RPS6KC1: variants seen among roughly 807,000 people sequenced by gnomAD.
RPS6KC1 encodes the protein ribosomal protein S6 kinase C1, also known as inactive ribosomal protein S6 kinase delta-1.
Under a neutral mutation model 103.8 loss-of-function variants are expected in RPS6KC1, and 54 were observed. That is an observed-to-expected ratio of 0.52 (90% confidence interval 0.42 to 0.65). The LOEUF is 0.65. RPS6KC1 is among the 30% of genes least tolerant of loss of function. The probability of loss-of-function intolerance (pLI) is 0.00; values close to 1 mark genes in which losing one functional copy is unlikely to be tolerated. For synonymous variants in RPS6KC1, 439 were observed against 438.7 expected (o/e 1.00, Z -0.01); for missense variants, 1,151 against 1,253.8 (o/e 0.92, Z 1.24).
At chr1:213,656,694 C>T in the RPS6KC1 span, among the ~76,000 whole-genome samples, 1 of 152,206 alleles carries the variant, frequency 6.6e-6, no homozygotes, top group Non-Finnish European at 1.5e-5. Context: ...CATTCTTATG[C>T]ACTCCACTTC....
chr1:213,302,013 G>C, the RPS6KC1 span, among the ~76,000 whole-genome samples: 3 of 152,108 alleles, frequency 2.0e-5, no homozygotes, highest in Non-Finnish European at 4.4e-5. Context: ...TGGGATTACA[G>C]GCATGAGCCA....
chr1:213,175,284 C>T (rs1292818803), intron 7 of RPS6KC1, among the ~76,000 whole-genome samples: 2 of 152,206 alleles, frequency 1.3e-5, no homozygotes, highest in African/African-American at 4.8e-5. Flanking sequence ...TCTCAAGGAG[C>T]TGCCTGTCTG....
At chr1:213,179,424 A>AG (rs1338669476) in intron 8 of RPS6KC1, among the ~76,000 whole-genome samples, 2 of 151,234 alleles carry the variant, frequency 1.3e-5, no homozygotes, top group Admixed American at 6.6e-5. Context: ...CAAAAAAAAG[A>AG]GGAAAAAAAA....
the RPS6KC1 span, among the ~76,000 whole-genome samples, chr1:213,468,707 G>A: frequency 6.6e-6 from 1 of 152,132 alleles, no homozygotes; most frequent in Non-Finnish European, 1.5e-5. Flanking sequence ...AGACATTCTG[G>A]TTGTTATAGT....
At chr1:213,442,346 G>T in the RPS6KC1 span, among the ~76,000 whole-genome samples, 1 of 152,182 alleles carries the variant, frequency 6.6e-6, no homozygotes, top group East Asian at 1.9e-4. Flanking sequence ...CACTCAGTAG[G>T]TGTTCAACAG....
the RPS6KC1 span, among the ~76,000 whole-genome samples, chr1:213,574,727 A>T: frequency 2.6e-5 from 4 of 152,138 alleles, no homozygotes; most frequent in African/African-American, 7.2e-5. Context: ...GATTGTAGGG[A>T]TGTGGTAACA....
the RPS6KC1 span, among the ~76,000 whole-genome samples, chr1:213,572,115 G>A: frequency 6.6e-6 from 1 of 152,208 alleles, no homozygotes; most frequent in East Asian, 1.9e-4. Context: ...ATGGAGCTAG[G>A]CTGTGGAGTC....
intron 5 of RPS6KC1, among the ~76,000 whole-genome samples, chr1:213,126,561 G>A (rs575621856): frequency 3.9e-5 from 6 of 152,210 alleles, no homozygotes; most frequent in Non-Finnish European, 8.8e-5. Context: ...ATATGAAGTA[G>A]GCAATTTGAA....
At chr1:213,706,729 TG>T in the RPS6KC1 span, among the ~76,000 whole-genome samples, 2 of 152,006 alleles carry the variant, frequency 1.3e-5, no homozygotes, top group African/African-American at 4.8e-5. Flanking sequence ...CCCCAGTGTG[TG>T]TTGTTTCCTT....
chr1:213,447,391 C>T, the RPS6KC1 span, among the ~76,000 whole-genome samples: 1 of 152,054 alleles, frequency 6.6e-6, no homozygotes, highest in East Asian at 1.9e-4. Flanking sequence ...GCCTATAATG[C>T]CAGTTTCATA....
chr1:213,546,680 A>G, the RPS6KC1 span, among the ~76,000 whole-genome samples: 2 of 152,170 alleles, frequency 1.3e-5, no homozygotes, highest in African/African-American at 4.8e-5. Context: ...TAATAGGCCT[A>G]ATTTTTAGAA....
the RPS6KC1 span, among the ~76,000 whole-genome samples, chr1:213,796,979 C>T: frequency 1.3e-5 from 2 of 152,108 alleles, no homozygotes; most frequent in Non-Finnish European, 2.9e-5. Flanking sequence ...GATCAATAAA[C>T]GCATGTCCAA....
the RPS6KC1 span, among the ~76,000 whole-genome samples, chr1:213,682,736 T>C: frequency 6.6e-6 from 1 of 152,262 alleles, no homozygotes; most frequent in South Asian, 2.1e-4. Flanking sequence ...GCAACAACAA[T>C]ATATGGTAAT....
At position 213,107,738 on chromosome 1, in the gene RPS6KC1, C is replaced by T. The variant is rs541835777; in HGVS notation, c.378+3169C>T. ...AGAAACTGCCAAACTGTTTTCCAAACGGAAAATAGCCAGTAATGTTTGAAC... is the reference window on the plus strand; with the variant it reads ...AGAAACTGCCAAACTGTTTTCCAAATGGAAAATAGCCAGTAATGTTTGAAC... On this transcript the variant is annotated intron_variant, in intron 4 of 14. Transcript: ENST00000366960. 6.0e-4 allele frequency among the ~76,000 whole-genome samples: 91 copies of T among 152,282 alleles called. 1 individual carries two copies. Among genetic ancestry groups the T allele is most frequent in the South Asian group, 2.3e-3 (11 of 4,828 alleles).
chr1:213,637,103 G>T, the RPS6KC1 span, among the ~76,000 whole-genome samples: 1 of 152,264 alleles, frequency 6.6e-6, no homozygotes, highest in Non-Finnish European at 1.5e-5. Context: ...TCATTAAAAA[G>T]TCAGGAAACA....
At chr1:213,143,618 A>G (rs1304901901) in intron 6 of RPS6KC1, among the ~76,000 whole-genome samples, 1 of 151,822 alleles carries the variant, frequency 6.6e-6, no homozygotes, top group African/African-American at 2.4e-5. Context: ...AGATTTTGAT[A>G]TGTCAAACCT....
intron 7 of RPS6KC1, among the ~76,000 whole-genome samples, chr1:213,168,214 C>T (rs1252528227): frequency 6.6e-6 from 1 of 152,198 alleles, no homozygotes; most frequent in African/African-American, 2.4e-5. Flanking sequence ...TTAATCTCCT[C>T]ATCTGTAGAT....
chr1:213,700,770 C>T, the RPS6KC1 span, among the ~76,000 whole-genome samples: 3 of 151,934 alleles, frequency 2.0e-5, no homozygotes, highest in African/African-American at 7.2e-5. Flanking sequence ...AGATCTTTCA[C>T]TTATCTGGTT....
the RPS6KC1 span, among the ~76,000 whole-genome samples, chr1:213,537,015 C>T: frequency 2.0e-5 from 3 of 152,190 alleles, no homozygotes; most frequent in African/African-American, 7.2e-5. Flanking sequence ...ATCCACCTTA[C>T]ATATGGTGCA....
Sources: gnomAD v4.1 joint callset for allele counts (sites outside exome capture counted in the v4.1 genomes callset) on GRCh38, gnomAD v4.1.1 for gene constraint, MANE v1.5 for transcripts, NCBI Gene and HGNC (gene_info 2026-07-23, HGNC 2026-07-21) for gene names.